The following COXFA4 variants were observed in gnomAD, a reference collection of about 807,000 sequenced individuals.
COXFA4 encodes the protein cytochrome c oxidase subunit FA4.
At chr7:10,939,032 A>T in the COXFA4 span, 2 of 669,630 alleles carry the variant, frequency 3.0e-6, no homozygotes, top group South Asian at 3.4e-5. Flanking sequence ...AATTTAAATA[A>T]AGTAGATCTT....
the COXFA4 span, chr7:10,938,225 A>T: frequency 1.6e-6 from 2 of 1,277,250 alleles, no homozygotes; most frequent in Non-Finnish European, 2.3e-6. Flanking sequence ...ACATTTTTGA[A>T]CAGATCAATC....
the COXFA4 span, chr7:10,937,845 C>T: frequency 2.0e-6 from 1 of 509,360 alleles, no homozygotes; most frequent in African/African-American, 1.9e-5. Context: ...TACCTAAGAA[C>T]TAAGAAAATG....
At chr7:10,939,910 G>A in the COXFA4 span, 2 of 1,289,846 alleles carry the variant, frequency 1.6e-6, no homozygotes, top group Non-Finnish European at 2.3e-6. Context: ...CTGGTCTGAC[G>A]GACGGTAAGT....
At chr7:10,933,949 C>T in the COXFA4 span, among the ~76,000 whole-genome samples, 1 of 152,080 alleles carries the variant, frequency 6.6e-6, no homozygotes, top group Non-Finnish European at 1.5e-5. Flanking sequence ...CTACTTGGAA[C>T]CTATAAGGAA....
the COXFA4 span, among the ~76,000 whole-genome samples, chr7:10,934,638 T>G: frequency 2.6e-5 from 4 of 152,144 alleles, no homozygotes; most frequent in Non-Finnish European, 4.4e-5. Context: ...AAGCATGAAG[T>G]TCACAAATCT....
the COXFA4 span, among the ~76,000 whole-genome samples, chr7:10,937,122 G>C: frequency 6.6e-6 from 1 of 152,036 alleles, no homozygotes; most frequent in African/African-American, 2.4e-5. Flanking sequence ...CACACTGATC[G>C]GGGACCCTGT....
chr7:10,933,650 G>A, the COXFA4 span: 18 of 1,610,360 alleles, frequency 1.1e-5, no homozygotes, highest in Non-Finnish European at 1.4e-5. Context: ...AAATCTGGAC[G>A]TTCCTTCTTC....
At chr7:10,934,630 G>A in the COXFA4 span, among the ~76,000 whole-genome samples, 7 of 152,078 alleles carry the variant, frequency 4.6e-5, no homozygotes, top group East Asian at 1.3e-3. Context: ...GGGTTTTTAA[G>A]CATGAAGTTC....
chr7:10,936,370 C>T, the COXFA4 span, among the ~76,000 whole-genome samples: 196 of 152,264 alleles, frequency 1.3e-3, no homozygotes, highest in African/African-American at 4.5e-3. Flanking sequence ...GCTGCATTAT[C>T]GGAATCATCT....
At chr7:10,933,651 T>C in the COXFA4 span, 17 of 1,610,870 alleles carry the variant, frequency 1.1e-5, no homozygotes, top group Non-Finnish European at 1.3e-5. Flanking sequence ...AATCTGGACG[T>C]TCCTTCTTCA....
chr7:10,939,840 G>A, the COXFA4 span: 1 of 773,246 alleles, frequency 1.3e-6, no homozygotes, highest in South Asian at 1.4e-5. Context: ...ACAATGCATG[G>A]CGTAGAGGGT....
At chr7:10,939,057 T>C in the COXFA4 span, 1 of 594,932 alleles carries the variant, frequency 1.7e-6, no homozygotes, top group South Asian at 1.9e-5. Flanking sequence ...TGAGGTAAGA[T>C]TTCTTATAAC....
At chr7:10,938,723 C>G in the COXFA4 span, 1 of 912,744 alleles carries the variant, frequency 1.1e-6, no homozygotes, top group Admixed American at 1.7e-5. Flanking sequence ...CTTTCTACTA[C>G]CCTAATGTTA....
chr7:10,940,138 G>A, the COXFA4 span: 2 of 1,384,248 alleles, frequency 1.4e-6, no homozygotes, highest in Non-Finnish European at 2.0e-6. Flanking sequence ...TCTGCAATGA[G>A]ACACTACGGA....
chr7:10,937,259 T>C, the COXFA4 span, among the ~76,000 whole-genome samples: 1 of 151,864 alleles, frequency 6.6e-6, no homozygotes, highest in Non-Finnish European at 1.5e-5. Context: ...AATGGTATGG[T>C]ATCTTAATGA....
the COXFA4 span, chr7:10,933,470 T>C: frequency 1.8e-6 from 1 of 570,240 alleles, no homozygotes; most frequent in African/African-American, 1.9e-5. Context: ...GTTTCAGTTA[T>C]TTATTGATTT....
the COXFA4 span, among the ~76,000 whole-genome samples, chr7:10,934,732 C>T: frequency 6.6e-6 from 1 of 151,908 alleles, no homozygotes. Context: ...AAGTATTTTA[C>T]TGACAAAAAA....
chr7:10,940,129 C>G, the COXFA4 span: 1 of 1,468,282 alleles, frequency 6.8e-7, no homozygotes, highest in Non-Finnish European at 9.5e-7. Flanking sequence ...TAAAAATTAT[C>G]TGCAATGAGA....
At chr7:10,939,959 C>A in the COXFA4 span, 1 of 1,594,856 alleles carries the variant, frequency 6.3e-7, no homozygotes, top group Non-Finnish European at 8.6e-7. Flanking sequence ...CAGAAAGAGG[C>A]GCACCCCGAC....
Sources: gnomAD v4.1 joint callset for allele counts (sites outside exome capture counted in the v4.1 genomes callset) on GRCh38, gnomAD v4.1.1 for gene constraint, MANE v1.5 for transcripts, NCBI Gene and HGNC (gene_info 2026-07-23, HGNC 2026-07-21) for gene names.